DHRS7B: variants seen among roughly 807,000 people sequenced by gnomAD.
The protein encoded by DHRS7B is dehydrogenase/reductase 7B.
DHRS7B carries 24 observed loss-of-function variants against 26.4 expected under a neutral mutation model. The observed-to-expected ratio is 0.91, with a 90% CI of 0.66 to 1.28. The LOEUF (loss-of-function observed/expected upper bound fraction) is 1.28. Ranked by LOEUF, DHRS7B falls within the 50% of genes most tolerant of loss-of-function variation. The probability of loss-of-function intolerance (pLI) is 0.00; values close to 1 mark genes in which losing one functional copy is unlikely to be tolerated. For missense variants in DHRS7B, 368 were observed against 419.4 expected, an observed-to-expected ratio of 0.88 and a Z score of 1.07; for synonymous variants, 142 against 166.4, an observed-to-expected ratio of 0.85 and a Z score of 1.13.
intron 1 of DHRS7B, among the ~76,000 whole-genome samples, chr17:21,164,845 C>G (rs1011354014): frequency 6.6e-6 from 1 of 152,144 alleles, no homozygotes; most frequent in Non-Finnish European, 1.5e-5. Context: ...GATGAGTGCA[C>G]GACATCCAGG....
chr17:21,137,676 C>T (rs562554657), intron 1 of DHRS7B, among the ~76,000 whole-genome samples: 7 of 151,978 alleles, frequency 4.6e-5, no homozygotes, highest in South Asian at 2.1e-4. Context: ...AGGCTGGTCT[C>T]GAACTCCCAA....
chr17:21,166,311 G>T (rs959648826), intron 1 of DHRS7B: 1 of 985,270 alleles, frequency 1.0e-6, no homozygotes, highest in African/African-American at 1.7e-5. Context: ...GGAGCTGAAG[G>T]CTGGCTTCTG....
intron 5 of DHRS7B, among the ~76,000 whole-genome samples, chr17:21,186,476 C>T (rs1262095235): frequency 3.3e-5 from 5 of 152,234 alleles, no homozygotes; most frequent in African/African-American, 1.2e-4. Context: ...CCTCTCCATC[C>T]ACCCACAGCC....
At chr17:21,154,095 G>A (rs964321436) in intron 1 of DHRS7B, among the ~76,000 whole-genome samples, 1 of 152,110 alleles carries the variant, frequency 6.6e-6, no homozygotes, top group African/African-American at 2.4e-5. Flanking sequence ...GATCACCTGA[G>A]ATCAGGAGTT....
At position 21,188,863 on chromosome 17, in the gene DHRS7B, G is replaced by A; in HGVS notation, c.772G>A (p.Val258Ile). The A allele has an allele frequency of 6.2e-7, 1 of 1,614,190 alleles. No homozygotes were observed. Among genetic ancestry groups the A allele is most frequent in the Non-Finnish European group, 8.5e-7 (1 of 1,180,030 alleles). ...CACCGCGGATGGATCTAGGTATGGA[G>A]GTGAGGCCCGGTTTCTCTTTTCTCC... ...AITADGSRYG[V>I]MDTTTAQGRS... The change falls in exon 6 of 7, where the codon GTT becomes ATT. Residue 258 changes from valine to isoleucine, a missense_variant and splice_region_variant. By Grantham distance (29) the Val-to-Ile change is conservative (BLOSUM62 3). Coordinates refer to ENST00000395511, the MANE Select transcript of DHRS7B (RefSeq NM_015510.5).
chr17:21,188,714 C>A lies in DHRS7B; in HGVS notation c.623C>A (p.Ala208Glu). 1 of 1,586,020 alleles carries A rather than the reference C, an allele frequency of 6.3e-7. No individual in the cohort carries two copies. The highest frequency in any genetic ancestry group is 8.6e-7 in the Non-Finnish European group (1 of 1,165,998). Residue 208 changes from alanine to glutamate, a missense_variant, in exon 6 of 7, where the codon GCA (alanine) becomes GAA (glutamate). Physicochemically the swap from Ala to Glu is moderately radical, Grantham distance 107. Transcript: ENST00000395511. ...KMSIPFRSAY[A>E]ASKHATQAFF... ...GCCTCTCCGTCCACATGTGTAGATG[C>A]AGCCTCCAAGCACGCAACCCAGGCT...
intron 5 of DHRS7B, among the ~76,000 whole-genome samples, chr17:21,184,681 C>T (rs1974592396): frequency 1.3e-5 from 2 of 152,178 alleles, no homozygotes; most frequent in Non-Finnish European, 2.9e-5. Context: ...CCCCACTTCT[C>T]TGTGCCCTGC....
intron 1 of DHRS7B, chr17:21,171,582 C>A: frequency 3.3e-6 from 1 of 300,516 alleles, no homozygotes; most frequent in Non-Finnish European, 6.6e-6. Flanking sequence ...GGTACGACTT[C>A]CTTTTTCCTT....
intron 2 of DHRS7B, among the ~76,000 whole-genome samples, chr17:21,176,174 G>A (rs906280695): frequency 6.6e-6 from 1 of 151,922 alleles, no homozygotes; most frequent in African/African-American, 2.4e-5. Flanking sequence ...ATTTTTTGTA[G>A]AGACAAGATT....
intron 1 of DHRS7B, among the ~76,000 whole-genome samples, chr17:21,141,640 A>AAAAGAAAAAG: frequency 1.1e-5 from 1 of 90,078 alleles, no homozygotes; most frequent in Non-Finnish European, 2.1e-5. Flanking sequence ...AAAAAAAAAA[A>AAAAGAAAAAG]CAACCTCATC....
chr17:21,136,180 T>C (rs1293543212), intron 1 of DHRS7B, among the ~76,000 whole-genome samples: 1 of 151,994 alleles, frequency 6.6e-6, no homozygotes, highest in Non-Finnish European at 1.5e-5. Flanking sequence ...TGCACACCTG[T>C]AATCTCAGCT....
chr17:21,179,104 C>T (rs182812093), intron 3 of DHRS7B, among the ~76,000 whole-genome samples: 39 of 152,236 alleles, frequency 2.6e-4, no homozygotes, highest in African/African-American at 9.4e-4. Flanking sequence ...GCCACCACAC[C>T]CAGCTAAATT....
intron 6 of DHRS7B, among the ~76,000 whole-genome samples, chr17:21,190,228 A>G (rs1236676881): frequency 6.6e-6 from 1 of 151,974 alleles, no homozygotes; most frequent in Non-Finnish European, 1.5e-5. Context: ...TGTGCCTGCC[A>G]GCTGGTCCTA....
rs1974268776 is a variant in DHRS7B, at chr17:21,172,166, A to T, written c.169A>T (p.Ile57Phe). The stretch of plus-strand genomic sequence containing the variant: ...CTACCTGCGGAATGCTGTGGTGGTG[A>T]TCACAGGCGCCACCTCAGGGCTGGG... ...KAYLRNAVVV[I>F]TGATSGLGKE... The change falls in exon 2 of 7, where the codon ATC becomes TTC. Residue 57 changes from isoleucine (I) to phenylalanine (F), a missense_variant. By Grantham distance (21) the Ile-to-Phe change is conservative (BLOSUM62 0). Coordinates refer to ENST00000395511, the MANE Select transcript of DHRS7B (RefSeq NM_015510.5). The T allele has an allele frequency of 6.2e-7, 1 of 1,613,464 alleles. No individual in the cohort carries two copies. Among genetic ancestry groups the T allele is most frequent in the African/African-American group, 1.3e-5 (1 of 74,908 alleles).
At chr17:21,133,913 AT>A (rs1973290258) in intron 1 of DHRS7B, among the ~76,000 whole-genome samples, 1 of 152,156 alleles carries the variant, frequency 6.6e-6, no homozygotes, top group Non-Finnish European at 1.5e-5. Context: ...TGGCTTATGT[AT>A]GTAAATAGGT....
At chr17:21,141,332 A>C (rs1037885521) in intron 1 of DHRS7B, among the ~76,000 whole-genome samples, 1 of 152,142 alleles carries the variant, frequency 6.6e-6, no homozygotes, top group Non-Finnish European at 1.5e-5. Context: ...ACAAATGCAC[A>C]CAGAAAAACT....
At chr17:21,131,582 T>C (rs765529605) in intron 1 of DHRS7B, among the ~76,000 whole-genome samples, 29 of 152,348 alleles carry the variant, frequency 1.9e-4, no homozygotes, top group Non-Finnish European at 3.7e-4. Context: ...CTGTATCTTA[T>C]GTGACCTCCT....
At chr17:21,129,254 G>GA (rs769300036) in intron 1 of DHRS7B, among the ~76,000 whole-genome samples, 2 of 152,128 alleles carry the variant, frequency 1.3e-5, no homozygotes, top group African/African-American at 4.8e-5. Context: ...TGCGGAGGGG[G>GA]AAATGAGGAG....
chr17:21,180,079 T>TA, intron 3 of DHRS7B, among the ~76,000 whole-genome samples: 1 of 149,776 alleles, frequency 6.7e-6, no homozygotes, highest in East Asian at 1.9e-4. Context: ...CTTTCTTTTT[T>TA]TTTTTTTTTT....
Sources: allele counts gnomAD v4.1 joint callset (sites outside exome capture counted in the v4.1 genomes callset), GRCh38; gene constraint gnomAD v4.1.1; transcripts MANE v1.5; gene names NCBI Gene and HGNC (gene_info 2026-07-23, HGNC 2026-07-21).